The following PSMC6 variants were observed in gnomAD, a reference collection of about 807,000 sequenced individuals.
The protein encoded by PSMC6 is proteasome 26S subunit, ATPase 6, also known as 26S proteasome regulatory subunit 10B.
In PSMC6, 3 loss-of-function variants were observed where a neutral mutation model predicts 55.9. The ratio of observed to expected loss-of-function variants is 0.05; its 90% CI spans 0.02 to 0.14. The LOEUF (loss-of-function observed/expected upper bound fraction) is 0.14, where lower values mean the gene tolerates loss of function less well. PSMC6 is among the 10% of genes least tolerant of loss of function. The pLI is 1.00. For synonymous variants in PSMC6, 137 were observed against 155.9 expected (o/e 0.88, Z 0.90); for missense variants, 210 against 478.7 (o/e 0.44, Z 5.24).
chr14:52,707,283 A>T lies in PSMC6; in HGVS notation c.64A>T (p.Ile22Phe), dbSNP rs745763726. 6.2e-7 allele frequency: 1 copy of T among 1,613,898 alleles called. No individual in the cohort carries two copies. Among genetic ancestry groups the T allele is most frequent in the African/African-American group, 1.3e-5 (1 of 74,894 alleles). Residue 22 changes from isoleucine (I) to phenylalanine (F), a missense_variant, in exon 1 of 14, where the codon ATC (isoleucine) becomes TTC (phenylalanine). Physicochemically the swap from Ile to Phe is conservative, Grantham distance 21 (BLOSUM62 0). Coordinates refer to ENST00000445930, the MANE Select transcript of PSMC6 (RefSeq NM_002806.5). ...YRKKLLEHKE[I>F]DGRLKELREQ... is the part of the protein sequence containing the mutation. Reference sequence around the variant, plus strand: ...CAAGAAGTTGCTTGAACACAAGGAGATCGACGGCCGTCTTAAGGAGTGTGA... The same window carrying T: ...CAAGAAGTTGCTTGAACACAAGGAGTTCGACGGCCGTCTTAAGGAGTGTGA...
intron 4 of PSMC6, 33 bp downstream of exon 4, chr14:52,708,849 T>A (rs778169313): frequency 6.2e-7 from 1 of 1,607,008 alleles, no homozygotes; most frequent in South Asian, 1.1e-5. Flanking sequence ...TGCCTGATGA[T>A]TGACAAAGCA....
At chr14:52,711,196 C>A in intron 5 of PSMC6, 28 bp downstream of exon 5, 1 of 1,585,706 alleles carries the variant, frequency 6.3e-7, no homozygotes, top group Non-Finnish European at 8.6e-7. Flanking sequence ...TTTAGTTCAC[C>A]TTTTATTTTC....
intron 12 of PSMC6, chr14:52,722,295 CAGA>C (rs1438731250): frequency 2.7e-5 from 4 of 150,860 alleles, no homozygotes; most frequent in African/African-American, 7.3e-5. Context: ...ACAGAGGGGG[CAGA>C]AGAAGTAGAA....
chr14:52,708,863 T>A (rs1250499760), intron 4 of PSMC6, 47 bp downstream of exon 4: 21 of 1,602,456 alleles, frequency 1.3e-5, no homozygotes, highest in Non-Finnish European at 1.8e-5. Flanking sequence ...CAAAGCAGTT[T>A]CATGTAAGTT....
At chr14:52,719,268 T>G (rs776606997) in intron 10 of PSMC6, among the ~76,000 whole-genome samples, 2 of 152,208 alleles carry the variant, frequency 1.3e-5, no homozygotes, top group Non-Finnish European at 1.5e-5. Context: ...CTATTCTGTG[T>G]TTTTTTGAGT....
intron 13 of PSMC6, 118 bp from the exon 14 acceptor site, chr14:52,727,381 G>A (rs932515010): frequency 1.1e-5 from 8 of 719,994 alleles, no homozygotes; most frequent in Non-Finnish European, 1.8e-5. Flanking sequence ...ACAACTACTG[G>A]CTCAGAAGTA....
chr14:52,714,287 A>C (rs967888874), intron 7 of PSMC6, among the ~76,000 whole-genome samples: 1 of 152,130 alleles, frequency 6.6e-6, no homozygotes, highest in Non-Finnish European at 1.5e-5. Flanking sequence ...CGATCTGCCC[A>C]CCTTAGCCTC....
chr14:52,720,197 G>C (rs1166203917), intron 10 of PSMC6, among the ~76,000 whole-genome samples: 1 of 142,528 alleles, frequency 7.0e-6, no homozygotes, highest in South Asian at 2.2e-4. Flanking sequence ...ACTCCAGCCT[G>C]GGTGACAGAG....
At chr14:52,708,261 C>G in intron 1 of PSMC6, 48 bp from the exon 2 acceptor site, 1 of 1,503,448 alleles carries the variant, frequency 6.7e-7, no homozygotes, top group Non-Finnish European at 9.2e-7. Context: ...GACTTAAACA[C>G]ACTAAGATTA....
At chr14:52,724,275 G>A (rs1296490786) in intron 13 of PSMC6, among the ~76,000 whole-genome samples, 1 of 152,164 alleles carries the variant, frequency 6.6e-6, no homozygotes, top group East Asian at 1.9e-4. Context: ...AGATCTCAGA[G>A]AAGCATACAG....
At chr14:52,714,246 G>A (rs549361103) in intron 7 of PSMC6, among the ~76,000 whole-genome samples, 68 of 152,126 alleles carry the variant, frequency 4.5e-4, no homozygotes, top group African/African-American at 1.5e-3. Flanking sequence ...TTGCCATATT[G>A]CTCAGGCTAT....
chr14:52,708,744 T>G lies in PSMC6; in HGVS notation c.206-20T>G, dbSNP rs772139273. The G allele has an allele frequency of 3.7e-6, 6 of 1,611,392 alleles. No homozygotes were observed. The highest frequency in any genetic ancestry group is 5.1e-6 in the Non-Finnish European group (6 of 1,179,392). ...TTACTTTCTATTTTTCAATTAGTTC[T>G]TTTATGTTTTTTCTTCTAGTCATTG... On this transcript the variant is annotated intron_variant, in intron 3 of 13. Transcript: ENST00000445930.
At position 52,707,203 on chromosome 14, in the gene PSMC6, A is replaced by C. The variant is rs759992296; in HGVS notation, c.-17A>C. 1 of 1,607,844 alleles carries C rather than the reference A, an allele frequency of 6.2e-7. No homozygotes were observed. The highest frequency in any genetic ancestry group is 1.1e-5 in the South Asian group (1 of 91,008). ...ATGGCCATTCCCGGCATCCCCTATGAGAGACGGCTTCTCATCATGGCGGAC... is the reference window on the plus strand; with the variant it reads ...ATGGCCATTCCCGGCATCCCCTATGCGAGACGGCTTCTCATCATGGCGGAC... On this transcript the variant is annotated 5_prime_UTR_variant, in exon 1 of 14. Coordinates refer to ENST00000445930, the MANE Select transcript of PSMC6 (RefSeq NM_002806.5).
intron 7 of PSMC6, among the ~76,000 whole-genome samples, chr14:52,716,995 G>A (rs969290952): frequency 9.2e-5 from 14 of 152,172 alleles, no homozygotes; most frequent in African/African-American, 3.4e-4. Context: ...GTGGTGTATG[G>A]GGATAGGGGA....
intron 3 of PSMC6, 118 bp from the exon 4 acceptor site, chr14:52,708,646 T>C: frequency 6.5e-7 from 1 of 1,541,252 alleles, no homozygotes. Context: ...AGACTTAAGT[T>C]TTCCTTCAAC....
At chr14:52,720,760 TCTGTAGACAATACA>T in intron 10 of PSMC6, 87 bp from the exon 11 acceptor site, 1 of 918,910 alleles carries the variant, frequency 1.1e-6, no homozygotes, top group Non-Finnish European at 1.6e-6. Context: ...AACATATCTA[TCTGTAGACAATACA>T]TTTCATGGCA....
chr14:52,715,131 T>TAA (rs11411181), intron 7 of PSMC6, among the ~76,000 whole-genome samples: 2,108 of 146,608 alleles, frequency 0.014, 40 homozygotes, highest in African/African-American at 0.045. Flanking sequence ...ACTTGCAGTG[T>TAA]AAAAAAAAAA....
At chr14:52,719,922 G>A (rs2041870117) in intron 10 of PSMC6, among the ~76,000 whole-genome samples, 2 of 152,108 alleles carry the variant, frequency 1.3e-5, no homozygotes, top group Admixed American at 1.3e-4. Context: ...TCTGTGTACA[G>A]TAGAATTATT....
At chr14:52,726,126 G>C (rs1880402879) in intron 13 of PSMC6, among the ~76,000 whole-genome samples, 1 of 152,158 alleles carries the variant, frequency 6.6e-6, no homozygotes, top group African/African-American at 2.4e-5. Context: ...TTAATTAGTA[G>C]ATAGCAATAA....
Sources: gnomAD v4.1 joint callset for allele counts (sites outside exome capture counted in the v4.1 genomes callset) on GRCh38, gnomAD v4.1.1 for gene constraint, MANE v1.5 for transcripts, NCBI Gene and HGNC (gene_info 2026-07-23, HGNC 2026-07-21) for gene names.